Variants in BBS9 observed in about 807,000 individuals in gnomAD.
BBS9 encodes protein PTHB1.
In BBS9, 89 loss-of-function variants were observed where a neutral mutation model predicts 117.7. The ratio of observed to expected loss-of-function variants is 0.76; its 90% CI spans 0.64 to 0.90. The LOEUF is 0.90. Ranked by LOEUF, BBS9 falls within the 40% of genes least tolerant of loss-of-function variation. BBS9 has a pLI of 0.00. For synonymous variants in BBS9, 379 were observed against 370.9 expected, an observed-to-expected ratio of 1.02 and a Z score of -0.25; for missense variants, 982 against 1,042.2, an observed-to-expected ratio of 0.94 and a Z score of 0.80.
intron 7 of BBS9, among the ~76,000 whole-genome samples, chr7:33,266,383 A>G (rs953739278): frequency 9.9e-5 from 15 of 152,126 alleles, no homozygotes; most frequent in Non-Finnish European, 1.3e-4. Context: ...TTCCTGTGTT[A>G]CTCACAGCTA....
At position 33,416,455 on chromosome 7, in the gene BBS9, C is replaced by T. The variant is rs373824462; in HGVS notation, c.2115+28311C>T. On this transcript the variant is annotated intron_variant, in intron 19 of 22. Coordinates refer to ENST00000242067, the MANE Select transcript of BBS9 (RefSeq NM_198428.3). ...CATTTGTAAAAATTAGAAAAATGAA[C>T]GGCAGGCTGAGAGGTTTTGTATATT... 2.0e-4 allele frequency among the ~76,000 whole-genome samples: 30 copies of T among 151,978 alleles called. No individual in the cohort carries two copies. The East Asian group carries it at 2.1e-3, about 11-fold the overall frequency.
chr7:33,353,777 A>T (rs1819125244), intron 15 of BBS9, among the ~76,000 whole-genome samples: 1 of 152,106 alleles, frequency 6.6e-6, no homozygotes, highest in Non-Finnish European at 1.5e-5. Context: ...TGCATAGCAC[A>T]TGTCATCTTG....
At chr7:33,285,423 T>A (rs1464868494) in intron 9 of BBS9, among the ~76,000 whole-genome samples, 3 of 152,156 alleles carry the variant, frequency 2.0e-5, no homozygotes, top group Admixed American at 2.0e-4. Flanking sequence ...TATGTCATAG[T>A]TCGTATATTT....
intron 21 of BBS9, among the ~76,000 whole-genome samples, chr7:33,631,857 G>A (rs1411331272): frequency 6.6e-6 from 1 of 152,156 alleles, no homozygotes; most frequent in African/African-American, 2.4e-5. Context: ...TCCCATGATG[G>A]GGATTATGAA....
intron 19 of BBS9, among the ~76,000 whole-genome samples, chr7:33,498,224 A>T (rs1844996495): frequency 6.6e-6 from 1 of 152,112 alleles, no homozygotes; most frequent in Non-Finnish European, 1.5e-5. Context: ...TCAATATGAT[A>T]TGGCCATTAA....
intron 19 of BBS9, among the ~76,000 whole-genome samples, chr7:33,427,748 A>G (rs1007340597): frequency 1.3e-5 from 2 of 152,178 alleles, no homozygotes; most frequent in African/African-American, 4.8e-5. Flanking sequence ...TTACATGTGA[A>G]GAAATTTGAT....
intron 19 of BBS9, among the ~76,000 whole-genome samples, chr7:33,480,582 G>A (rs1319069861): frequency 6.6e-6 from 1 of 152,142 alleles, no homozygotes; most frequent in East Asian, 1.9e-4. Flanking sequence ...CATGTATCTT[G>A]ACCTAATGTT....
chr7:33,582,753 T>C (rs564099316), intron 21 of BBS9, among the ~76,000 whole-genome samples: 22 of 152,266 alleles, frequency 1.4e-4, no homozygotes, highest in Admixed American at 7.2e-4. Flanking sequence ...TTAAAGAGAA[T>C]ATGAGGATTT....
chr7:33,585,772 A>G (rs905016656), intron 21 of BBS9, among the ~76,000 whole-genome samples: 1 of 152,038 alleles, frequency 6.6e-6, no homozygotes, highest in Non-Finnish European at 1.5e-5. Flanking sequence ...GATTATCTAA[A>G]GTGTAGATAA....
intron 18 of BBS9, among the ~76,000 whole-genome samples, chr7:33,387,364 G>T (rs1826213240): frequency 6.6e-6 from 1 of 152,000 alleles, no homozygotes; most frequent in Non-Finnish European, 1.5e-5. Context: ...TTAGGTTGTG[G>T]TCTTTTTCTC....
chr7:33,593,932 C>T, intron 21 of BBS9, among the ~76,000 whole-genome samples: 1 of 152,112 alleles, frequency 6.6e-6, no homozygotes, highest in East Asian at 1.9e-4. Context: ...ATGAAAATGG[C>T]TATGTTTCTG....
intron 20 of BBS9, among the ~76,000 whole-genome samples, chr7:33,528,555 A>G (rs1213987313): frequency 2.0e-5 from 3 of 152,122 alleles, no homozygotes; most frequent in Admixed American, 2.0e-4. Flanking sequence ...TCAATTACAT[A>G]CTTCTATTTT....
At chr7:33,495,524 G>T (rs1844586392) in intron 19 of BBS9, among the ~76,000 whole-genome samples, 1 of 152,156 alleles carries the variant, frequency 6.6e-6, no homozygotes, top group South Asian at 2.1e-4. Flanking sequence ...TGTAAAATGA[G>T]CTCTGACATT....
intron 4 of BBS9, among the ~76,000 whole-genome samples, chr7:33,157,264 T>G (rs1685122137): frequency 6.6e-6 from 1 of 152,208 alleles, no homozygotes; most frequent in Admixed American, 6.5e-5. Context: ...AAAAACGTAC[T>G]GAAAGAAACT....
chr7:33,147,491 A>G (rs1250428537), intron 2 of BBS9, among the ~76,000 whole-genome samples: 1 of 152,092 alleles, frequency 6.6e-6, no homozygotes, highest in Non-Finnish European at 1.5e-5. Flanking sequence ...TTTGAAGGAA[A>G]ATTTGGTCCC....
At chr7:33,156,170 G>A (rs537722055) in intron 4 of BBS9, among the ~76,000 whole-genome samples, 153 of 152,218 alleles carry the variant, frequency 1.0e-3, no homozygotes, top group Non-Finnish European at 1.6e-3. Context: ...GCTTCATCAG[G>A]TTTCATTCTC....
At chr7:33,444,521 C>G (rs1028082776) in intron 19 of BBS9, among the ~76,000 whole-genome samples, 1 of 152,088 alleles carries the variant, frequency 6.6e-6, no homozygotes, top group South Asian at 2.1e-4. Context: ...TATAATAAAT[C>G]TTTTAAGTAA....
At chr7:33,439,148 G>GT (rs1337648705) in intron 19 of BBS9, among the ~76,000 whole-genome samples, 1 of 152,118 alleles carries the variant, frequency 6.6e-6, no homozygotes, top group Admixed American at 6.5e-5. Context: ...CCGGGCCCTA[G>GT]TTTTTTTCCC....
At chr7:33,409,907 A>G (rs1410469053) in intron 19 of BBS9, among the ~76,000 whole-genome samples, 1 of 151,966 alleles carries the variant, frequency 6.6e-6, no homozygotes, top group African/African-American at 2.4e-5. Context: ...GAAGCTTCCT[A>G]TAGATACCCT....
Sources: gnomAD v4.1 joint callset for allele counts (sites outside exome capture counted in the v4.1 genomes callset) on GRCh38, gnomAD v4.1.1 for gene constraint, MANE v1.5 for transcripts, NCBI Gene and HGNC (gene_info 2026-07-23, HGNC 2026-07-21) for gene names.